Variants in MARCHF11 observed in about 807,000 individuals in gnomAD.
MARCHF11 encodes the protein E3 ubiquitin-protein ligase MARCHF11.
A neutral mutation model predicts 37.3 loss-of-function variants in MARCHF11; 29 were observed. The ratio of observed to expected loss-of-function variants is 0.78; its 90% CI spans 0.58 to 1.06. The LOEUF (loss-of-function observed/expected upper bound fraction) is 1.06, where lower values mean the gene tolerates loss of function less well. Among genes scored for constraint, MARCHF11 ranks in the 50% least tolerant of loss-of-function variants. The pLI, the probability that MARCHF11 is intolerant of heterozygous loss-of-function variation, is 0.00. For synonymous variants in MARCHF11, 233 were observed against 228.0 expected (o/e 1.02, Z -0.20); for missense variants, 482 against 533.4 (o/e 0.90, Z 0.95).
intron 2 of MARCHF11, among the ~76,000 whole-genome samples, chr5:16,175,865 G>C (rs906502047): frequency 1.3e-5 from 2 of 152,152 alleles, no homozygotes; most frequent in African/African-American, 2.4e-5. Context: ...ACAACAATCA[G>C]ATCAGGTTAC....
intron 2 of MARCHF11, among the ~76,000 whole-genome samples, chr5:16,124,850 A>T (rs1453897816): frequency 6.6e-6 from 1 of 151,266 alleles, no homozygotes; most frequent in Non-Finnish European, 1.5e-5. Context: ...AACACAACAC[A>T]CTTAGGGGCA....
intron 2 of MARCHF11, among the ~76,000 whole-genome samples, chr5:16,104,210 T>C (rs1737001650): frequency 6.6e-6 from 1 of 152,136 alleles, no homozygotes; most frequent in Admixed American, 6.6e-5. Context: ...TTCCGCTCTA[T>C]AATTCCCTAG....
chr5:16,095,407 G>C (rs1395317051), intron 2 of MARCHF11, among the ~76,000 whole-genome samples: 1 of 137,210 alleles, frequency 7.3e-6, no homozygotes, highest in African/African-American at 2.6e-5. Context: ...CTGGAAGAAG[G>C]ATCAAAAAGG....
chr5:16,124,747 C>A (rs1737374401), intron 2 of MARCHF11, among the ~76,000 whole-genome samples: 1 of 141,608 alleles, frequency 7.1e-6, no homozygotes, highest in African/African-American at 2.5e-5. Context: ...TCAGTGATAC[C>A]TACAGAGAGA....
At chr5:16,167,534 G>C (rs1257737927) in intron 2 of MARCHF11, among the ~76,000 whole-genome samples, 1 of 152,034 alleles carries the variant, frequency 6.6e-6, no homozygotes, top group Non-Finnish European at 1.5e-5. Context: ...CATGAGGGAG[G>C]CCATCTGCTT....
chr5:16,174,815 A>G (rs1182390723), intron 2 of MARCHF11, among the ~76,000 whole-genome samples: 1 of 152,170 alleles, frequency 6.6e-6, no homozygotes, highest in African/African-American at 2.4e-5. Flanking sequence ...GCTAACTCCT[A>G]TGGGGGATAA....
chr5:16,136,027 C>A (rs1737608357), intron 2 of MARCHF11, among the ~76,000 whole-genome samples: 1 of 151,872 alleles, frequency 6.6e-6, no homozygotes, highest in African/African-American at 2.4e-5. Flanking sequence ...GAAGGCAGAC[C>A]AAGGCTTGAT....
chr5:16,090,589 A>T (rs1161196493), intron 3 of MARCHF11, among the ~76,000 whole-genome samples: 2 of 152,042 alleles, frequency 1.3e-5, no homozygotes, highest in Admixed American at 1.3e-4. Flanking sequence ...GAAATAAATT[A>T]CTATCCTTAT....
intron 2 of MARCHF11, among the ~76,000 whole-genome samples, chr5:16,165,721 T>C (rs1423435255): frequency 2.6e-5 from 4 of 152,100 alleles, no homozygotes. Flanking sequence ...TCAACATGAC[T>C]TATCAGTGAT....
intron 2 of MARCHF11, among the ~76,000 whole-genome samples, chr5:16,099,525 T>C (rs1736922763): frequency 6.6e-6 from 1 of 152,122 alleles, no homozygotes; most frequent in African/African-American, 2.4e-5. Flanking sequence ...GTTCATATAG[T>C]CATTCTCCTC....
rs1160291086 is a variant in MARCHF11, at chr5:16,179,232, G to A, written c.344C>T (p.Ala115Val). ...GPRRLPEAAA[A>V]KGGPGESEAG... ...CTCAGACTCCCCGGGGCCGCCTTTC[G>A]CTGCTGCCGCCTCCGGGAGGCGCCT... The change falls in exon 1 of 4, where the codon GCG (alanine) becomes GTG (valine). Residue 115 changes from alanine to valine, a missense_variant. Physicochemically the swap from Ala to Val is moderately conservative, Grantham distance 64. Transcript: ENST00000332432. 7.4e-7 allele frequency: 1 copy of A among 1,344,864 alleles called. No homozygotes were observed. The highest frequency in any genetic ancestry group is 9.5e-7 in the Non-Finnish European group (1 of 1,049,090). 83.3% of individuals were successfully genotyped at this position (1,344,864 alleles called of 1,614,324 possible).
At position 16,090,170 on chromosome 5, in the gene MARCHF11, C is replaced by T. The variant is rs1335263342; in HGVS notation, c.886+719G>A. On this transcript the variant is annotated intron_variant, in intron 3 of 3. Transcript: ENST00000332432. ...CCACCCACACTGCTCTACCCCTCGC[C>T]GACTGGTCACCATCGCGATGCCTGT... Among the ~76,000 whole-genome samples, 7 of 152,178 alleles carry T rather than the reference C, an allele frequency of 4.6e-5. No individual in the cohort carries two copies. In the South Asian group the frequency reaches 6.2e-4, roughly 14 times the overall value.
At chr5:16,146,221 A>G (rs1737793053) in intron 2 of MARCHF11, among the ~76,000 whole-genome samples, 1 of 152,178 alleles carries the variant, frequency 6.6e-6, no homozygotes, top group Admixed American at 6.5e-5. Context: ...ATTCTATTAA[A>G]ATAAAGGAGC....
intron 2 of MARCHF11, among the ~76,000 whole-genome samples, chr5:16,157,666 A>G (rs1487923967): frequency 6.6e-6 from 1 of 151,904 alleles, no homozygotes. Context: ...CTTAGCTCAC[A>G]CTGCATACAA....
intron 2 of MARCHF11, among the ~76,000 whole-genome samples, chr5:16,097,226 G>A (rs951595440): frequency 6.6e-6 from 1 of 152,174 alleles, no homozygotes; most frequent in African/African-American, 2.4e-5. Flanking sequence ...ACATCTCAAT[G>A]TGTAATCAAG....
chr5:16,124,196 A>C (rs1336891011), intron 2 of MARCHF11, among the ~76,000 whole-genome samples: 1 of 152,244 alleles, frequency 6.6e-6, no homozygotes, highest in South Asian at 2.1e-4. Flanking sequence ...ATTTACGAGA[A>C]GTTGTAAGGA....
intron 2 of MARCHF11, among the ~76,000 whole-genome samples, chr5:16,172,845 A>C (rs1738293416): frequency 6.6e-6 from 1 of 152,194 alleles, no homozygotes; most frequent in Non-Finnish European, 1.5e-5. Context: ...AAGGTCTGGA[A>C]GCTGTACCTA....
intron 3 of MARCHF11, 70 bp downstream of exon 3, chr5:16,090,819 T>C: frequency 8.2e-7 from 1 of 1,222,500 alleles, no homozygotes; most frequent in Non-Finnish European, 1.1e-6. Flanking sequence ...TAGATCCGAA[T>C]GGTGAAAACG....
intron 2 of MARCHF11, among the ~76,000 whole-genome samples, chr5:16,162,278 T>A (rs1442350678): frequency 6.6e-6 from 1 of 151,920 alleles, no homozygotes; most frequent in Non-Finnish European, 1.5e-5. Flanking sequence ...CACTAGAACA[T>A]GCTAGATATA....
Sources: allele counts gnomAD v4.1 joint callset (sites outside exome capture counted in the v4.1 genomes callset), GRCh38; gene constraint gnomAD v4.1.1; transcripts MANE v1.5; gene names NCBI Gene and HGNC (gene_info 2026-07-23, HGNC 2026-07-21).